SLC35F3: variants seen among roughly 807,000 people sequenced by gnomAD.
SLC35F3 encodes the protein solute carrier family 35 member F3, also known as putative thiamine transporter SLC35F3.
Under a neutral mutation model 49.9 loss-of-function variants are expected in SLC35F3, and 25 were observed. The observed-to-expected ratio is 0.50, with a 90% confidence interval of 0.37 to 0.70. SLC35F3 has a LOEUF of 0.70. Ranked by LOEUF, SLC35F3 falls within the 30% of genes least tolerant of loss-of-function variation. The probability of loss-of-function intolerance (pLI) is 0.00; values close to 1 mark genes in which losing one functional copy is unlikely to be tolerated. For missense variants in SLC35F3, 525 were observed against 639.8 expected (o/e 0.82, Z 1.94); for synonymous variants, 275 against 265.4 (o/e 1.04, Z -0.35).
chr1:234,157,904 G>A (rs1432284639), intron 2 of SLC35F3, among the ~76,000 whole-genome samples: 2 of 151,964 alleles, frequency 1.3e-5, no homozygotes, highest in South Asian at 4.1e-4. Flanking sequence ...TTTTCTTTTG[G>A]TACATACGTC....
In SLC35F3 at chr1:234,323,414, C is replaced by T; in HGVS notation, c.*171C>T. 1.6e-6 allele frequency: 1 copy of T among 607,724 alleles called. No homozygotes were observed. The highest frequency in any genetic ancestry group is 2.9e-6 in the Non-Finnish European group (1 of 342,658). The allele number at this position is 607,724 out of a possible 1,614,324, so 37.6% of individuals were successfully genotyped here. ...GCACTTTTCCACATCAGACCTTCCA[C>T]TTAAGGGTACCAATTCAATACAAAA... On this transcript the variant is annotated 3_prime_UTR_variant, in exon 8 of 8. Transcript: ENST00000366618. This position sits in a 1 kb window ranked among gnomAD's most constrained non-coding sequence, Gnocchi z 4.5.
chr1:234,049,872 G>A (rs942898251), intron 2 of SLC35F3, among the ~76,000 whole-genome samples: 7 of 152,120 alleles, frequency 4.6e-5, no homozygotes, highest in African/African-American at 1.4e-4. Context: ...CCACCTATGA[G>A]TAAGAACATA....
chr1:234,104,120 G>A (rs978522418), intron 2 of SLC35F3, among the ~76,000 whole-genome samples: 3 of 152,198 alleles, frequency 2.0e-5, no homozygotes, highest in African/African-American at 7.2e-5. Context: ...ATTGGCACCA[G>A]CATATATGAC....
At chr1:233,962,800 C>T (rs956997862) in intron 2 of SLC35F3, among the ~76,000 whole-genome samples, 8 of 152,240 alleles carry the variant, frequency 5.3e-5, no homozygotes, top group Non-Finnish European at 1.0e-4. Context: ...AAAACCTCTA[C>T]AGTGCATTCC....
chr1:234,159,789 A>C (rs1666200389), intron 2 of SLC35F3, among the ~76,000 whole-genome samples: 1 of 152,060 alleles, frequency 6.6e-6, no homozygotes, highest in Non-Finnish European at 1.5e-5. Context: ...TCACTCATTC[A>C]GTTGTGTATT....
chr1:234,266,775 C>T (rs1667985172), intron 3 of SLC35F3, among the ~76,000 whole-genome samples: 1 of 150,448 alleles, frequency 6.6e-6, no homozygotes, highest in African/African-American at 2.4e-5. Flanking sequence ...CATATCTAAA[C>T]ATAGAAAAGG....
At chr1:234,156,332 C>T (rs6685161) in intron 2 of SLC35F3, among the ~76,000 whole-genome samples, 22,851 of 152,176 alleles carry the variant, frequency 0.15, 5,455 homozygotes, top group African/African-American at 0.51. Flanking sequence ...AAGATAATTC[C>T]GCGATACGGC....
chr1:234,275,708 C>T (rs1012809399), intron 3 of SLC35F3, among the ~76,000 whole-genome samples: 7 of 149,826 alleles, frequency 4.7e-5, no homozygotes, highest in Non-Finnish European at 8.9e-5. Context: ...GTATGTTCTC[C>T]GATCAGGTCA....
chr1:233,917,439 AT>A (rs145001578), intron 2 of SLC35F3, among the ~76,000 whole-genome samples: 3,789 of 150,200 alleles, frequency 0.025, 141 homozygotes, highest in African/African-American at 0.087. Flanking sequence ...GTCATTAAAC[AT>A]TTTTTTTTTC....
In SLC35F3 at chr1:234,323,322, C is replaced by A; in HGVS notation, c.*79C>A. 8.1e-7 allele frequency: 1 copy of A among 1,238,622 alleles called. No individual in the cohort carries two copies. Among genetic ancestry groups the A allele is most frequent in the South Asian group, 1.4e-5 (1 of 72,562 alleles). 76.7% of individuals were successfully genotyped at this position (1,238,622 alleles called of 1,614,324 possible). A position where few individuals can be genotyped will look rare whatever the true frequency, so the allele number is the denominator to read the frequency against. On this transcript the variant is annotated 3_prime_UTR_variant, in exon 8 of 8. Transcript: ENST00000366618. The surrounding 1 kb of genome is among the most constrained non-coding windows in gnomAD (Gnocchi z 4.5). ...AGGAACCTCAGTTGGGTAAGGTGTA[C>A]ATACCTGTACAGTTTTGGTCATCTG...
chr1:233,975,949 G>A (rs917139887), intron 2 of SLC35F3, among the ~76,000 whole-genome samples: 8 of 152,186 alleles, frequency 5.3e-5, no homozygotes, highest in East Asian at 1.9e-4. Context: ...TTATATGTGC[G>A]TGAGTTAGAG....
At chr1:233,996,505 G>A (rs1663463454) in intron 2 of SLC35F3, among the ~76,000 whole-genome samples, 1 of 151,734 alleles carries the variant, frequency 6.6e-6, no homozygotes. Flanking sequence ...GTGAGGAAAA[G>A]TGAGCTAAGA....
At chr1:234,292,364 A>T (rs1668523047) in intron 3 of SLC35F3, among the ~76,000 whole-genome samples, 1 of 152,206 alleles carries the variant, frequency 6.6e-6, no homozygotes, top group South Asian at 2.1e-4. Flanking sequence ...TGACCCACTT[A>T]TGCCTAGTGT....
rs1661766216 is a variant in SLC35F3 at position 233,905,770 on chromosome 1, T to C, written c.283+12T>C. On this transcript the variant is annotated intron_variant, in intron 2 of 7. Coordinates refer to ENST00000366618, the MANE Select transcript of SLC35F3 (RefSeq NM_173508.4). ...AGCGAGCTGCAAAAGTAAGACCCCC[T>C]CACGTCATGTTTCCCGTTCACTGGT... 6.3e-7 allele frequency: 1 copy of C among 1,597,394 alleles called. No homozygotes were observed. Among genetic ancestry groups the C allele is most frequent in the Admixed American group, 1.7e-5 (1 of 59,472 alleles).
intron 2 of SLC35F3, among the ~76,000 whole-genome samples, chr1:233,909,905 T>C (rs1661847001): frequency 6.6e-6 from 1 of 152,232 alleles, no homozygotes; most frequent in Non-Finnish European, 1.5e-5. Context: ...CAAGCAGGCC[T>C]ACCTTACAAA....
intron 2 of SLC35F3, among the ~76,000 whole-genome samples, chr1:234,190,263 A>C (rs893437893): frequency 4.6e-5 from 7 of 152,256 alleles, no homozygotes; most frequent in African/African-American, 1.2e-4. Context: ...TCTGCTTAAA[A>C]AATACAGAAT....
intron 2 of SLC35F3, among the ~76,000 whole-genome samples, chr1:234,062,861 T>TC (rs1368168607): frequency 1.3e-5 from 2 of 150,302 alleles, no homozygotes; most frequent in Non-Finnish European, 3.0e-5. Flanking sequence ...TTTTTTTTTT[T>TC]TGTATTTTTA....
chr1:234,135,847 C>T (rs942899964), intron 2 of SLC35F3, among the ~76,000 whole-genome samples: 1 of 152,200 alleles, frequency 6.6e-6, no homozygotes, highest in East Asian at 1.9e-4. Flanking sequence ...GTGGGAACAC[C>T]GCTGAGATCC....
In SLC35F3 at chr1:234,314,289, G is replaced by C. The variant is rs146500243; in HGVS notation, c.829-2313G>C. 2.4e-3 allele frequency among the ~76,000 whole-genome samples: 363 copies of C among 152,224 alleles called. 2 individuals carry two copies. Among genetic ancestry groups the C allele is most frequent in the African/African-American group, 8.2e-3 (340 of 41,496 alleles). On this transcript the variant is annotated intron_variant, in intron 4 of 7. Transcript: ENST00000366618. ...CCCCCTTGTCCCTTCCCCCAGCTTA[G>C]CTGCACAGTGCAGCCCAGGCAGAAG...
Sources: gnomAD v4.1 joint callset for allele counts (sites outside exome capture counted in the v4.1 genomes callset) on GRCh38, gnomAD v4.1.1 for gene constraint, Gnocchi (gnomAD v3.1) non-coding constraint, MANE v1.5 for transcripts, NCBI Gene and HGNC (gene_info 2026-07-23, HGNC 2026-07-21) for gene names.